The following EHHADH variants were observed in gnomAD, a reference collection of about 807,000 sequenced individuals.
EHHADH encodes the protein enoyl-CoA hydratase and 3-hydroxyacyl CoA dehydrogenase.
Under a neutral mutation model 64.4 loss-of-function variants are expected in EHHADH, and 48 were observed. That is an observed-to-expected ratio of 0.75 (90% CI 0.59 to 0.95). EHHADH has a LOEUF of 0.95. Ranked by LOEUF, EHHADH falls within the 40% of genes least tolerant of loss-of-function variation. The pLI is 0.00. For missense variants in EHHADH, 854 were observed against 876.6 expected, an observed-to-expected ratio of 0.97 and a Z score of 0.33; for synonymous variants, 308 against 326.7, an observed-to-expected ratio of 0.94 and a Z score of 0.62.
intron 5 of EHHADH, among the ~76,000 whole-genome samples, chr3:185,215,870 A>G (rs761601912): frequency 1.5e-4 from 23 of 152,292 alleles, no homozygotes; most frequent in Non-Finnish European, 2.8e-4. Flanking sequence ...ATTACTCTAT[A>G]CACGATTATA....
At chr3:185,253,877 T>A (rs1268395381) in intron 1 of EHHADH, 72 bp downstream of exon 1, 5 of 1,582,104 alleles carry the variant, frequency 3.2e-6, no homozygotes, top group Non-Finnish European at 4.3e-6. Context: ...CGGGGGAGAG[T>A]CAAAGCCTCC....
intron 1 of EHHADH, among the ~76,000 whole-genome samples, chr3:185,250,934 C>A (rs1719728166): frequency 6.6e-6 from 1 of 152,182 alleles, no homozygotes; most frequent in African/African-American, 2.4e-5. Flanking sequence ...GGAGAAGAAA[C>A]CAGCTTTTCC....
chr3:185,226,475 C>A (rs990579687), intron 4 of EHHADH, among the ~76,000 whole-genome samples: 2 of 151,934 alleles, frequency 1.3e-5, no homozygotes, highest in Admixed American at 1.3e-4. Flanking sequence ...ATGGTGAAAC[C>A]CTGTCTCTAC....
At chr3:185,230,192 G>A (rs1393513275) in intron 3 of EHHADH, among the ~76,000 whole-genome samples, 1 of 152,168 alleles carries the variant, frequency 6.6e-6, no homozygotes, top group Non-Finnish European at 1.5e-5. Context: ...AGGATATGGA[G>A]AATACAGAAT....
rs1243029236 is a variant in EHHADH, at chr3:185,225,822, C to T, written c.463+3610G>A. Among the ~76,000 whole-genome samples the T allele has an allele frequency of 2.0e-5, 3 of 152,134 alleles. No homozygotes were observed. The East Asian group carries it at 5.8e-4, about 29-fold the overall frequency. ...TTGCTATTTTCTGTATGTGGGATTT[C>T]TTCCTCCAGATATTGGCATAACAAG... On this transcript the variant is annotated intron_variant, in intron 4 of 6. Coordinates refer to ENST00000231887, the MANE Select transcript of EHHADH (RefSeq NM_001966.4).
chr3:185,192,861 C>T lies in EHHADH; in HGVS notation c.1537G>A (p.Gly513Ser), dbSNP rs976593025. 13 of 1,613,996 alleles carry T rather than the reference C, an allele frequency of 8.1e-6. No homozygotes were observed. The highest frequency in any genetic ancestry group is 3.3e-5 in the Admixed American group (2 of 59,988). Residue 513 changes from glycine (G) to serine (S), a missense_variant, in exon 7 of 7, where the codon GGT becomes AGT. Transcript: ENST00000231887. ...ACTCTAAAAGGTCCCATTTTAAAAC[C>T]AAACTCTTCCAGCACCTGATCTACC... The part of the protein sequence containing the change: ...EEVDQVLEEF[G>S]FKMGPFRVSD...
chr3:185,208,622 T>C (rs890402377), intron 5 of EHHADH, among the ~76,000 whole-genome samples: 6 of 152,134 alleles, frequency 3.9e-5, no homozygotes, highest in African/African-American at 1.4e-4. Context: ...AGTTGTTTCT[T>C]AAAAAGATAA....
chr3:185,224,517 A>AG (rs1353318280), intron 4 of EHHADH, among the ~76,000 whole-genome samples: 2 of 151,618 alleles, frequency 1.3e-5, no homozygotes, highest in Non-Finnish European at 2.9e-5. Flanking sequence ...AAAAAAAAAA[A>AG]AAAAAAAGAA....
chr3:185,215,979 T>G (rs1191419450), intron 5 of EHHADH, among the ~76,000 whole-genome samples: 1 of 152,174 alleles, frequency 6.6e-6, no homozygotes, highest in Admixed American at 6.5e-5. Flanking sequence ...TAATTTAAAA[T>G]AGTAACACAT....
intron 4 of EHHADH, among the ~76,000 whole-genome samples, chr3:185,229,129 A>G (rs979877856): frequency 5.3e-5 from 8 of 152,222 alleles, no homozygotes; most frequent in Admixed American, 2.6e-4. Flanking sequence ...TCTGAATATA[A>G]TGCAGTCTAT....
intron 6 of EHHADH, among the ~76,000 whole-genome samples, chr3:185,196,030 CCTT>C (rs1318352585): frequency 6.6e-6 from 1 of 152,144 alleles, no homozygotes; most frequent in African/African-American, 2.4e-5. Flanking sequence ...CTTATCTCCT[CCTT>C]AAGAGAAATA....
intron 3 of EHHADH, 96 bp downstream of exon 3, chr3:185,235,194 A>G (rs1016168843): frequency 8.0e-7 from 1 of 1,244,924 alleles, no homozygotes; most frequent in African/African-American, 1.5e-5. Context: ...AAACAAATAA[A>G]TAAAATAATC....
chr3:185,244,362 G>A (rs763553270), intron 2 of EHHADH, among the ~76,000 whole-genome samples: 10 of 151,908 alleles, frequency 6.6e-5, no homozygotes, highest in Non-Finnish European at 1.5e-4. Context: ...GATATATGAG[G>A]GTTTGTTTCC....
chr3:185,248,606 A>G (rs779132358), intron 1 of EHHADH, 89 bp from the exon 2 acceptor site: 350 of 882,696 alleles, frequency 4.0e-4, no homozygotes, highest in Non-Finnish European at 5.9e-4. Flanking sequence ...ATGAAAAATT[A>G]AACACACACA....
At chr3:185,202,688 C>T (rs933183387) in intron 6 of EHHADH, among the ~76,000 whole-genome samples, 3 of 152,108 alleles carry the variant, frequency 2.0e-5, no homozygotes, top group African/African-American at 2.4e-5. Context: ...TTGTGAACTG[C>T]GCATGTGAGG....
At chr3:185,228,210 G>A (rs1239929102) in intron 4 of EHHADH, among the ~76,000 whole-genome samples, 1 of 118,272 alleles carries the variant, frequency 8.5e-6, no homozygotes, top group African/African-American at 3.2e-5. Context: ...ATTCCAGCCT[G>A]GCGATAGAGT....
intron 1 of EHHADH, among the ~76,000 whole-genome samples, chr3:185,251,061 G>A (rs1428609714): frequency 6.6e-6 from 1 of 152,164 alleles, no homozygotes; most frequent in African/African-American, 2.4e-5. Context: ...GACAGAGAGA[G>A]TCATAGCAAT....
intron 3 of EHHADH, among the ~76,000 whole-genome samples, chr3:185,233,749 G>A (rs998321834): frequency 6.6e-4 from 100 of 152,144 alleles, no homozygotes; most frequent in Admixed American, 1.9e-3. Flanking sequence ...AGGTTCAAGT[G>A]ATTCTCCTGC....
At chr3:185,236,049 G>C (rs1328988282) in intron 2 of EHHADH, among the ~76,000 whole-genome samples, 1 of 152,136 alleles carries the variant, frequency 6.6e-6, no homozygotes, top group South Asian at 2.1e-4. Context: ...TGCTTTTCCT[G>C]ATTATAAAAA....
Sources: allele counts gnomAD v4.1 joint callset (sites outside exome capture counted in the v4.1 genomes callset), GRCh38; gene constraint gnomAD v4.1.1; transcripts MANE v1.5; gene names NCBI Gene and HGNC (gene_info 2026-07-23, HGNC 2026-07-21).